Variants in RGS10 observed in about 807,000 individuals in gnomAD.
The protein encoded by RGS10 is regulator of G protein signaling 10, also known as regulator of G-protein signalling 10.
Under a neutral mutation model 23.5 loss-of-function variants are expected in RGS10, and 11 were observed. The observed-to-expected ratio is 0.47, with a 90% CI of 0.29 to 0.77. RGS10 has a LOEUF of 0.77. Ranked by LOEUF, RGS10 falls within the 30% of genes least tolerant of loss-of-function variation. The pLI is 0.08. For missense variants in RGS10, 180 were observed against 226.3 expected, an observed-to-expected ratio of 0.80 and a Z score of 1.31; for synonymous variants, 77 against 83.2, an observed-to-expected ratio of 0.92 and a Z score of 0.41.
chr10:119,533,203 G>A (rs1488649657), intron 1 of RGS10, among the ~76,000 whole-genome samples: 4 of 151,792 alleles, frequency 2.6e-5, no homozygotes, highest in South Asian at 4.2e-4. Flanking sequence ...ATGGTGGCAC[G>A]CACCTGTAAT....
intron 1 of RGS10, among the ~76,000 whole-genome samples, chr10:119,537,175 C>T (rs1253926955): frequency 6.6e-6 from 1 of 151,838 alleles, no homozygotes; most frequent in African/African-American, 2.4e-5. Context: ...GGCAGATCAC[C>T]TGAGGTCGGG....
intron 4 of RGS10, among the ~76,000 whole-genome samples, chr10:119,507,088 G>A (rs971759411): frequency 4.6e-5 from 7 of 152,126 alleles, no homozygotes; most frequent in South Asian, 4.1e-4. Context: ...AGATGGCTAC[G>A]GTGTACACAG....
intron 4 of RGS10, among the ~76,000 whole-genome samples, chr10:119,501,724 A>G (rs548259684): frequency 6.6e-6 from 1 of 152,098 alleles, no homozygotes; most frequent in Non-Finnish European, 1.5e-5. Context: ...CTCTGTCTCA[A>G]AAAAAAAGAA....
intron 3 of RGS10, among the ~76,000 whole-genome samples, chr10:119,519,125 G>A (rs1026379111): frequency 2.6e-5 from 4 of 152,224 alleles, no homozygotes; most frequent in Non-Finnish European, 5.9e-5. Flanking sequence ...TCCACCAGCC[G>A]GCTGACGCTG....
At chr10:119,510,525 A>G (rs987542293) in intron 4 of RGS10, among the ~76,000 whole-genome samples, 1 of 152,086 alleles carries the variant, frequency 6.6e-6, no homozygotes, top group Non-Finnish European at 1.5e-5. Flanking sequence ...TTTCCTTCTT[A>G]GCATTGATCT....
At chr10:119,506,433 G>A (rs1230090513) in intron 4 of RGS10, among the ~76,000 whole-genome samples, 1 of 152,250 alleles carries the variant, frequency 6.6e-6, no homozygotes, top group African/African-American at 2.4e-5. Flanking sequence ...TGGAACTCCA[G>A]AAGGAGTCTG....
chr10:119,506,554 C>T (rs956555086), intron 4 of RGS10, among the ~76,000 whole-genome samples: 3 of 152,206 alleles, frequency 2.0e-5, no homozygotes, highest in African/African-American at 7.2e-5. Context: ...TTTTTTCTAC[C>T]GTCCACACGA....
intron 3 of RGS10, among the ~76,000 whole-genome samples, chr10:119,519,034 G>T (rs1844178852): frequency 6.6e-6 from 1 of 152,146 alleles, no homozygotes; most frequent in Admixed American, 6.5e-5. Flanking sequence ...TCTCTTAAAA[G>T]AAAAGCATGC....
At chr10:119,534,304 T>TAAATAAATAAATA (rs1554858928) in intron 1 of RGS10, among the ~76,000 whole-genome samples, 12 of 117,182 alleles carry the variant, frequency 1.0e-4, no homozygotes, top group South Asian at 2.8e-4. Context: ...AATAAATAAA[T>TAAATAAATAAATA]AAAAAAGGCC....
rs1412491443 is a variant in RGS10, at chr10:119,538,083, CTTTG to C, written c.49+4503_49+4506del. Among the ~76,000 whole-genome samples the C allele has an allele frequency of 2.7e-5, 4 of 148,538 alleles. No individual in the cohort carries two copies. In the East Asian group the frequency reaches 8.1e-4, roughly 30 times the overall value. On this transcript the variant is annotated intron_variant, in intron 1 of 4. Coordinates refer to ENST00000369103, the MANE Select transcript of RGS10 (RefSeq NM_001005339.2). This position sits in a 1 kb window ranked among gnomAD's most constrained non-coding sequence, Gnocchi z 4.5. ...AAATGATAAAGGTGTTTGATGATGG[CTTTG>C]TTTGTTTCTAATGTCCTGACTACAG...
At chr10:119,512,144 C>T (rs1002284861) in intron 4 of RGS10, among the ~76,000 whole-genome samples, 7 of 150,028 alleles carry the variant, frequency 4.7e-5, no homozygotes, top group Admixed American at 2.7e-4. Context: ...TGATGAGGGG[C>T]TAAGTTCGGG....
At chr10:119,515,430 G>A (rs569300295) in intron 4 of RGS10, 79 bp downstream of exon 4, 72 of 1,544,010 alleles carry the variant, frequency 4.7e-5, no homozygotes, top group Non-Finnish European at 6.1e-5. Flanking sequence ...GTCTAACATC[G>A]GGTGTTTCAG....
intron 3 of RGS10, chr10:119,516,350 C>T (rs577229464): frequency 4.6e-5 from 7 of 152,172 alleles, no homozygotes; most frequent in African/African-American, 1.4e-4. Context: ...GGAGGGATCC[C>T]ATTTCCTTAA....
chr10:119,526,153 C>A, intron 2 of RGS10, 35 bp from the exon 3 acceptor site: 1 of 1,122,426 alleles, frequency 8.9e-7, no homozygotes, highest in Non-Finnish European at 1.3e-6. Flanking sequence ...ACACAGTATT[C>A]TACTTTAAAA....
chr10:119,537,727 C>T (rs1020358201), intron 1 of RGS10, among the ~76,000 whole-genome samples: 8 of 152,100 alleles, frequency 5.3e-5, no homozygotes, highest in African/African-American at 1.2e-4. Flanking sequence ...GGCTGGTAGG[C>T]GGTTTTCTTC....
intron 1 of RGS10, chr10:119,536,377 A>T: frequency 7.9e-7 from 1 of 1,262,480 alleles, no homozygotes; most frequent in Non-Finnish European, 1.1e-6. Flanking sequence ...GTGTCCTCAC[A>T]GCACACTCTT....
chr10:119,528,458 T>G (rs182877182), intron 1 of RGS10, among the ~76,000 whole-genome samples: 207 of 152,294 alleles, frequency 1.4e-3, no homozygotes, highest in African/African-American at 4.6e-3. Context: ...GAGTCCAATA[T>G]GGCTCAGCAT....
Position 119,527,554 on chromosome 10 carries a change from C to T in RGS10, c.50-130G>A. The T allele has an allele frequency of 2.8e-6, 2 of 708,322 alleles. No individual in the cohort carries two copies. The highest frequency in any genetic ancestry group is 5.0e-6 in the Non-Finnish European group (2 of 398,688). 43.9% of individuals were successfully genotyped at this position (708,322 alleles called of 1,614,324 possible). On this transcript the variant is annotated intron_variant, in intron 1 of 4. Coordinates refer to ENST00000369103, the MANE Select transcript of RGS10 (RefSeq NM_001005339.2). This position sits in a 1 kb window ranked among gnomAD's most constrained non-coding sequence, Gnocchi z 4.2. The stretch of plus-strand genomic sequence containing the variant: ...ACCGACTTATGCGTCAGGCTCTGTT[C>T]TAGGTGCTTAACATGATGGACTCAT...
chr10:119,526,213 T>A, intron 2 of RGS10, 95 bp from the exon 3 acceptor site: 2 of 616,148 alleles, frequency 3.2e-6, no homozygotes, highest in Non-Finnish European at 5.5e-6. Flanking sequence ...TTGGCAAAAT[T>A]CAACAGAGGA....
Sources: allele counts gnomAD v4.1 joint callset (sites outside exome capture counted in the v4.1 genomes callset), GRCh38; gene constraint gnomAD v4.1.1; non-coding constraint Gnocchi (gnomAD v3.1); transcripts MANE v1.5; gene names NCBI Gene and HGNC (gene_info 2026-07-23, HGNC 2026-07-21).